HMBOX1: variants seen among roughly 807,000 people sequenced by gnomAD.
HMBOX1 encodes the protein homeobox containing 1.
In HMBOX1, 14 loss-of-function variants were observed where a neutral mutation model predicts 54.5. That is an observed-to-expected ratio of 0.26 (90% confidence interval 0.17 to 0.40). The LOEUF (loss-of-function observed/expected upper bound fraction) is 0.40. Ranked by LOEUF, HMBOX1 falls within the 10% of genes least tolerant of loss-of-function variation. The probability of loss-of-function intolerance (pLI) is 1.00; values close to 1 mark genes in which losing one functional copy is unlikely to be tolerated. For missense variants in HMBOX1, 332 were observed against 514.4 expected (o/e 0.65, Z 3.43); for synonymous variants, 160 against 181.0 (o/e 0.88, Z 0.93).
chr8:28,922,507 G>A (rs1045432173), intron 1 of HMBOX1, among the ~76,000 whole-genome samples: 1 of 152,166 alleles, frequency 6.6e-6, no homozygotes, highest in Admixed American at 6.5e-5. Context: ...TTTGAGAAAT[G>A]AAGCAAAACA....
At chr8:29,013,559 T>A (rs180779008) in intron 5 of HMBOX1, among the ~76,000 whole-genome samples, 1 of 152,250 alleles carries the variant, frequency 6.6e-6, no homozygotes, top group Non-Finnish European at 1.5e-5. Flanking sequence ...TTAATTTTAC[T>A]GATAACCCGA....
intron 1 of HMBOX1, among the ~76,000 whole-genome samples, chr8:28,896,919 C>A (rs1014445698): frequency 6.6e-6 from 1 of 151,292 alleles, no homozygotes; most frequent in Non-Finnish European, 1.5e-5. Flanking sequence ...TTTAGATGAA[C>A]CTGACATTGC....
At chr8:28,955,099 C>G (rs181755895) in intron 1 of HMBOX1, among the ~76,000 whole-genome samples, 16 of 152,052 alleles carry the variant, frequency 1.1e-4, no homozygotes, top group Non-Finnish European at 2.2e-4. Context: ...TTTGGTAATT[C>G]AGAGTTCATT....
At chr8:29,042,288 T>C (rs1386357370) in intron 6 of HMBOX1, among the ~76,000 whole-genome samples, 1 of 152,176 alleles carries the variant, frequency 6.6e-6, no homozygotes, top group Non-Finnish European at 1.5e-5. Context: ...GCGGAGAAGT[T>C]GACCTTGAAG....
At chr8:29,040,390 C>A (rs986460982) in intron 6 of HMBOX1, among the ~76,000 whole-genome samples, 2 of 152,036 alleles carry the variant, frequency 1.3e-5, no homozygotes, top group Non-Finnish European at 2.9e-5. Flanking sequence ...TATTGTGTGT[C>A]TTTTCTCACA....
intron 2 of HMBOX1, among the ~76,000 whole-genome samples, chr8:28,968,633 T>C (rs1826858937): frequency 6.6e-6 from 1 of 152,154 alleles, no homozygotes; most frequent in Non-Finnish European, 1.5e-5. Context: ...GAAGTGACTG[T>C]TAATAAAGTT....
chr8:28,892,968 A>T (rs1054198042), intron 1 of HMBOX1, among the ~76,000 whole-genome samples: 2 of 152,160 alleles, frequency 1.3e-5, no homozygotes, highest in South Asian at 2.1e-4. Context: ...GGAGTTTTTT[A>T]AAAAATGTTT....
chr8:28,951,372 C>T (rs911437805), intron 1 of HMBOX1, among the ~76,000 whole-genome samples: 1 of 152,152 alleles, frequency 6.6e-6, no homozygotes, highest in Non-Finnish European at 1.5e-5. Context: ...ACCTTATGAT[C>T]CGCCCACCTC....
At chr8:28,987,842 CTG>C (rs1423342705) in intron 4 of HMBOX1, among the ~76,000 whole-genome samples, 5 of 152,192 alleles carry the variant, frequency 3.3e-5, no homozygotes. Flanking sequence ...TAATGTCAGA[CTG>C]TGTCAACTTC....
rs74597687 is a variant in HMBOX1, at chr8:29,051,918, A to C, written c.*763A>C. 5 of 197,534 alleles carry C rather than the reference A, an allele frequency of 2.5e-5. No individual in the cohort carries two copies. The highest frequency in any genetic ancestry group is 1.7e-4 in the East Asian group (2 of 11,992). 12.2% of individuals were successfully genotyped at this position (197,534 alleles called of 1,614,324 possible). ...GTCATTAAAAAAAAAAAAAAAAAAA[A>C]CCCAGCTTGAGAGCATTGGAAAAAA... On this transcript the variant is annotated 3_prime_UTR_variant, in exon 10 of 10. Transcript: ENST00000287701.
intron 1 of HMBOX1, among the ~76,000 whole-genome samples, chr8:28,937,934 G>A (rs1435224089): frequency 4.6e-5 from 7 of 152,042 alleles, no homozygotes; most frequent in Non-Finnish European, 8.8e-5. Flanking sequence ...GTTATTAGGT[G>A]TCATCACAGA....
chr8:28,975,764 G>C (rs1828257462), intron 3 of HMBOX1, among the ~76,000 whole-genome samples: 1 of 151,986 alleles, frequency 6.6e-6, no homozygotes, highest in Admixed American at 6.6e-5. Context: ...TGTAAGAGAA[G>C]AGAGGAAGGA....
intron 1 of HMBOX1, among the ~76,000 whole-genome samples, chr8:28,944,347 T>G (rs1822019705): frequency 6.6e-6 from 1 of 152,250 alleles, no homozygotes; most frequent in South Asian, 2.1e-4. Flanking sequence ...TGTTATGTTC[T>G]CTTCATGATC....
intron 5 of HMBOX1, among the ~76,000 whole-genome samples, chr8:29,011,098 G>A (rs1029762846): frequency 6.6e-6 from 1 of 152,090 alleles, no homozygotes; most frequent in African/African-American, 2.4e-5. Context: ...GAAATGCATC[G>A]GAAAATAAAA....
chr8:29,033,975 A>C (rs185482208), intron 6 of HMBOX1, among the ~76,000 whole-genome samples: 1 of 152,340 alleles, frequency 6.6e-6, no homozygotes, highest in East Asian at 1.9e-4. Context: ...ATATTTATTG[A>C]GCTTCTACTT....
At chr8:28,908,400 T>G (rs1814743221) in intron 1 of HMBOX1, among the ~76,000 whole-genome samples, 1 of 152,208 alleles carries the variant, frequency 6.6e-6, no homozygotes. Flanking sequence ...ATTTTTATCT[T>G]TTAATTATAA....
intron 6 of HMBOX1, among the ~76,000 whole-genome samples, chr8:29,033,507 C>T (rs1467506015): frequency 3.9e-5 from 6 of 152,148 alleles, no homozygotes; most frequent in Non-Finnish European, 8.8e-5. Flanking sequence ...TTTCTCATAG[C>T]CAGTAAGAAG....
At chr8:29,015,770 G>T (rs1255916298) in intron 5 of HMBOX1, among the ~76,000 whole-genome samples, 1 of 152,128 alleles carries the variant, frequency 6.6e-6, no homozygotes, top group Non-Finnish European at 1.5e-5. Flanking sequence ...CATATAAAGG[G>T]CCAGACAGTA....
intron 1 of HMBOX1, among the ~76,000 whole-genome samples, chr8:28,923,739 T>G (rs535592350): frequency 1.3e-5 from 2 of 152,322 alleles, no homozygotes; most frequent in African/African-American, 4.8e-5. Flanking sequence ...TATACAAGGG[T>G]ACCACTTTTT....
Sources: allele counts gnomAD v4.1 joint callset (sites outside exome capture counted in the v4.1 genomes callset), GRCh38; gene constraint gnomAD v4.1.1; transcripts MANE v1.5; gene names NCBI Gene and HGNC (gene_info 2026-07-23, HGNC 2026-07-21).